Variants in XKR6 observed in about 807,000 individuals in gnomAD.
XKR6 encodes XK related 6, also known as XK-related protein 6.
In XKR6, 22 loss-of-function variants were observed where a neutral mutation model predicts 56.7. That is an observed-to-expected ratio of 0.39 (90% confidence interval 0.28 to 0.55). The LOEUF (loss-of-function observed/expected upper bound fraction) is 0.55, where lower values mean the gene tolerates loss of function less well. Ranked by LOEUF, XKR6 falls within the 20% of genes least tolerant of loss-of-function variation. XKR6 has a pLI of 0.66. For synonymous variants in XKR6, 524 were observed against 387.8 expected, an observed-to-expected ratio of 1.35 and a Z score of -4.13; for missense variants, 852 against 889.0, an observed-to-expected ratio of 0.96 and a Z score of 0.53.
At chr8:11,058,492 G>C (rs1308037509) in intron 1 of XKR6, among the ~76,000 whole-genome samples, 1 of 152,174 alleles carries the variant, frequency 6.6e-6, no homozygotes, top group Non-Finnish European at 1.5e-5. Context: ...ATATACCATG[G>C]AATACTATGC....
At chr8:11,013,890 G>C (rs1016379988) in intron 1 of XKR6, among the ~76,000 whole-genome samples, 2 of 152,192 alleles carry the variant, frequency 1.3e-5, no homozygotes, top group Non-Finnish European at 2.9e-5. Flanking sequence ...ACCTGTACCG[G>C]AGCCCCTCAT....
intron 1 of XKR6, among the ~76,000 whole-genome samples, chr8:11,006,148 A>C (rs1798363969): frequency 6.6e-6 from 1 of 152,066 alleles, no homozygotes; most frequent in South Asian, 2.1e-4. Context: ...CTGACTAAAA[A>C]TTTTTCAATT....
chr8:11,186,325 G>A (rs1803271863), intron 1 of XKR6, among the ~76,000 whole-genome samples: 1 of 152,076 alleles, frequency 6.6e-6, no homozygotes, highest in Non-Finnish European at 1.5e-5. Flanking sequence ...TATGGTCCAC[G>A]GCTAGTTCTT....
At chr8:10,911,979 G>C (rs1800388130) in intron 2 of XKR6, among the ~76,000 whole-genome samples, 1 of 147,726 alleles carries the variant, frequency 6.8e-6, no homozygotes, top group African/African-American at 2.5e-5. Flanking sequence ...TATATATGGA[G>C]AAAGAGAGAG....
At chr8:11,052,564 T>A (rs914117470) in intron 1 of XKR6, among the ~76,000 whole-genome samples, 1 of 151,960 alleles carries the variant, frequency 6.6e-6, no homozygotes, top group Non-Finnish European at 1.5e-5. Context: ...GGTGGGGGCA[T>A]CTCCTTCAGC....
At chr8:10,927,988 A>G (rs1320786676) in intron 1 of XKR6, among the ~76,000 whole-genome samples, 1 of 152,186 alleles carries the variant, frequency 6.6e-6, no homozygotes, top group East Asian at 1.9e-4. Context: ...GCCAAGCCTC[A>G]ATGCAAATGC....
chr8:10,951,310 GC>G (rs67018613), intron 1 of XKR6, among the ~76,000 whole-genome samples: 4,001 of 103,696 alleles, frequency 0.039, 166 homozygotes, highest in African/African-American at 0.098. Flanking sequence ...GGGGGGGGGG[GC>G]CCCCACAGTG....
chr8:10,950,361 A>C (rs1200777921), intron 1 of XKR6, among the ~76,000 whole-genome samples: 1 of 152,208 alleles, frequency 6.6e-6, no homozygotes, highest in African/African-American at 2.4e-5. Context: ...CTCTTTGTAG[A>C]CACTGCTAGA....
At chr8:10,920,540 A>G (rs962964062) in intron 2 of XKR6, among the ~76,000 whole-genome samples, 19 of 152,238 alleles carry the variant, frequency 1.2e-4, no homozygotes, top group African/African-American at 4.6e-4. Flanking sequence ...GTCTGTTCCA[A>G]GTCCACACAT....
chr8:10,970,818 A>G (rs1229641043), intron 1 of XKR6, among the ~76,000 whole-genome samples: 2 of 151,920 alleles, frequency 1.3e-5, no homozygotes, highest in African/African-American at 4.8e-5. Context: ...AAAAAAAAAA[A>G]AAAACCTCTG....
chr8:11,194,388 T>G (rs143572320), intron 1 of XKR6: 1 of 152,172 alleles, frequency 6.6e-6, no homozygotes, highest in Non-Finnish European at 1.5e-5. Context: ...GTATCTCCAA[T>G]AGCGGTAAGC....
intron 1 of XKR6, among the ~76,000 whole-genome samples, chr8:11,002,015 C>G (rs535834519): frequency 1.3e-5 from 2 of 151,970 alleles, no homozygotes; most frequent in Admixed American, 1.3e-4. Flanking sequence ...CTTCTCTTCT[C>G]CTTTAGGAAA....
chr8:11,066,461 T>C (rs1799980975), intron 1 of XKR6, among the ~76,000 whole-genome samples: 1 of 152,262 alleles, frequency 6.6e-6, no homozygotes, highest in Non-Finnish European at 1.5e-5. Flanking sequence ...GTTGTGGTTC[T>C]GCCTCCTGGC....
intron 1 of XKR6, among the ~76,000 whole-genome samples, chr8:10,969,549 T>C (rs1802338333): frequency 6.6e-6 from 1 of 152,130 alleles, no homozygotes; most frequent in Admixed American, 6.5e-5. Flanking sequence ...AACACACAGC[T>C]TAAGGGGAAA....
At chr8:11,056,443 C>G (rs574687437) in intron 1 of XKR6, among the ~76,000 whole-genome samples, 1 of 152,188 alleles carries the variant, frequency 6.6e-6, no homozygotes, top group Non-Finnish European at 1.5e-5. Context: ...CCTGTGTTCA[C>G]CCGGAAAGTG....
intron 2 of XKR6, among the ~76,000 whole-genome samples, chr8:10,915,138 G>A (rs935248867): frequency 2.0e-5 from 3 of 152,196 alleles, no homozygotes; most frequent in Non-Finnish European, 2.9e-5. Flanking sequence ...TTCTAAAAGA[G>A]AAAATATTTG....
At chr8:11,130,991 A>G (rs529942501) in intron 1 of XKR6, among the ~76,000 whole-genome samples, 9 of 152,236 alleles carry the variant, frequency 5.9e-5, no homozygotes, top group African/African-American at 2.2e-4. Flanking sequence ...ATCACATACA[A>G]TATAAGCACA....
At chr8:11,143,612 G>A (rs753955558) in intron 1 of XKR6, among the ~76,000 whole-genome samples, 30 of 152,210 alleles carry the variant, frequency 2.0e-4, no homozygotes, top group Non-Finnish European at 3.4e-4. Flanking sequence ...ATGATGGGGT[G>A]AAGGAACTAT....
chr8:11,027,490 C>T (rs372070703), intron 1 of XKR6, among the ~76,000 whole-genome samples: 4 of 152,196 alleles, frequency 2.6e-5, no homozygotes, highest in African/African-American at 7.2e-5. Flanking sequence ...ATATTCGTTT[C>T]GTCATTTAAT....
Sources: allele counts gnomAD v4.1 joint callset (sites outside exome capture counted in the v4.1 genomes callset), GRCh38; gene constraint gnomAD v4.1.1; transcripts MANE v1.5; gene names NCBI Gene and HGNC (gene_info 2026-07-23, HGNC 2026-07-21).